Variants in CDH1 observed in about 807,000 individuals in gnomAD.
CDH1 encodes the protein cadherin 1, also known as cadherin-1.
CDH1 carries 35 observed loss-of-function variants against 84.5 expected under a neutral mutation model. The observed-to-expected ratio is 0.41, with a 90% CI of 0.32 to 0.55. The LOEUF is 0.55. Among genes scored for constraint, CDH1 ranks in the 20% least tolerant of loss-of-function variants. CDH1 has a pLI of 0.19. For missense variants in CDH1, 994 were observed against 1,126.6 expected, an observed-to-expected ratio of 0.88 and a Z score of 1.68; for synonymous variants, 417 against 439.0, an observed-to-expected ratio of 0.95 and a Z score of 0.63.
rs1597898197 is a variant in CDH1, at chr16:68,815,712, A to G, written c.1518A>G (p.Thr506=). 2 of 1,614,264 alleles carry G rather than the reference A, an allele frequency of 1.2e-6. No homozygotes were observed. The highest frequency in any genetic ancestry group is 1.7e-6 in the Non-Finnish European group (2 of 1,180,046). ...ACTTTGGCGTGGGCCAGGAAATCAC[A>G]TCCTACACTGCCCAGGAGCCAGACA... The part of the protein sequence containing the change: ...SEDFGVGQEI[T]SYTAQEPDTF... The change falls in exon 10 of 16, where the codon ACA becomes ACG. Residue 506 remains threonine, a synonymous_variant. Coordinates refer to ENST00000261769, the MANE Select transcript of CDH1 (RefSeq NM_004360.5).
chr16:68,801,937 G>T (rs770588696), intron 3 of CDH1, 44 bp downstream of exon 3: 9 of 1,484,402 alleles, frequency 6.1e-6, no homozygotes, highest in South Asian at 1.1e-5. Flanking sequence ...GTTTTAGTGC[G>T]CTGTCTAATC....
chr16:68,811,894 A>T lies in CDH1; in HGVS notation c.1008+35A>T, dbSNP rs377733982. On this transcript the variant is annotated intron_variant, in intron 7 of 15. Coordinates refer to ENST00000261769, the MANE Select transcript of CDH1 (RefSeq NM_004360.5). ...CAGGAGGATCCAGAGGGTGTGGAGG[A>T]CAAATGTGTATTAGCTCAATCCCGT... The T allele has an allele frequency of 7.1e-5, 115 of 1,609,916 alleles. No homozygotes were observed. In the African/African-American group the frequency reaches 1.5e-3, roughly 20 times the overall value.
At chr16:68,750,171 G>A (rs1016835662) in intron 2 of CDH1, among the ~76,000 whole-genome samples, 3 of 16,596 alleles carry the variant, frequency 1.8e-4, no homozygotes, top group Non-Finnish European at 6.6e-4. Flanking sequence ...GCCTTTGGAA[G>A]GCCTCTTTTG....
chr16:68,810,463 T>C (rs913222408), intron 6 of CDH1, 122 bp downstream of exon 6: 1 of 893,062 alleles, frequency 1.1e-6, no homozygotes, highest in Non-Finnish European at 1.8e-6. Flanking sequence ...ACAGAACTTC[T>C]TGGCAAGCCA....
intron 2 of CDH1, among the ~76,000 whole-genome samples, chr16:68,744,956 C>T (rs55882541): frequency 6.6e-6 from 1 of 152,292 alleles, no homozygotes; most frequent in Admixed American, 6.5e-5. Flanking sequence ...AAACAGTGCA[C>T]TGCAAACAGT....
At chr16:68,745,165 C>T (rs1050749997) in intron 2 of CDH1, among the ~76,000 whole-genome samples, 5 of 151,422 alleles carry the variant, frequency 3.3e-5, no homozygotes, top group Admixed American at 2.0e-4. Flanking sequence ...TTGAACTTGT[C>T]AGCTTCTGCT....
intron 3 of CDH1, among the ~76,000 whole-genome samples, chr16:68,805,979 G>C (rs909999124): frequency 6.6e-6 from 1 of 151,900 alleles, no homozygotes; most frequent in Non-Finnish European, 1.5e-5. Context: ...ACAGAGTCTC[G>C]CTCTGTTTCC....
intron 2 of CDH1, among the ~76,000 whole-genome samples, chr16:68,793,506 G>A (rs965464121): frequency 3.3e-5 from 5 of 152,226 alleles, no homozygotes; most frequent in African/African-American, 4.8e-5. Flanking sequence ...TGCCTGGTGA[G>A]TCCTGGCGGC....
At chr16:68,806,489 T>C (rs1960665697) in intron 3 of CDH1, among the ~76,000 whole-genome samples, 2 of 152,138 alleles carry the variant, frequency 1.3e-5, no homozygotes, top group Admixed American at 1.3e-4. Flanking sequence ...ATTTTGTTCA[T>C]GTGCTGGGGT....
chr16:68,745,718 GC>G (rs1962721369), intron 2 of CDH1, among the ~76,000 whole-genome samples: 1 of 151,184 alleles, frequency 6.6e-6, no homozygotes, highest in Non-Finnish European at 1.5e-5. Flanking sequence ...GATCCTTGTG[GC>G]TAAAAATCAA....
Position 68,811,243 on chromosome 16 carries a change from G to C in CDH1, c.833-441G>C, listed in dbSNP as rs574584956. 2.8e-3 allele frequency among the ~76,000 whole-genome samples: 429 copies of C among 151,680 alleles called. 2 individuals carry two copies. The highest frequency in any genetic ancestry group is 9.2e-3 in the African/African-American group (381 of 41,360). Reference sequence around the variant, plus strand: ...AGAAACCCTGTCTCTACTAAAAATAGAAAATTAGCTGGGCGTGGCGACGCA... The same window carrying C: ...AGAAACCCTGTCTCTACTAAAAATACAAAATTAGCTGGGCGTGGCGACGCA... On this transcript the variant is annotated intron_variant, in intron 6 of 15. Coordinates refer to ENST00000261769, the MANE Select transcript of CDH1 (RefSeq NM_004360.5).
chr16:68,771,957 T>C (rs1460538794), intron 2 of CDH1, among the ~76,000 whole-genome samples: 2 of 152,054 alleles, frequency 1.3e-5, no homozygotes, highest in African/African-American at 4.8e-5. Context: ...CCCATCCCCT[T>C]AGGAAATAGA....
intron 9 of CDH1, 183 bp downstream of exon 9, chr16:68,813,678 CTG>C: frequency 2.7e-6 from 2 of 750,724 alleles, no homozygotes; most frequent in Non-Finnish European, 4.8e-6. Context: ...AATCAAGAAA[CTG>C]TGCTGTGTGT....
Position 68,835,285 on chromosome 16 carries a change from CTGTTTCTCAAG to C in CDH1, c.*1792_*1802del. ...AAAGACTTTTGTTGAAATAGCTTTA[CTGTTTCTCAAG>C]TGTTTTGGAGAAAAAAATCAACCCT... On this transcript the variant is annotated 3_prime_UTR_variant, in exon 16 of 16. Coordinates refer to ENST00000261769, the MANE Select transcript of CDH1 (RefSeq NM_004360.5). 4.4e-6 allele frequency: 1 copy of C among 227,072 alleles called. No individual in the cohort carries two copies. Among genetic ancestry groups the C allele is most frequent in the Non-Finnish European group, 8.8e-6 (1 of 114,228 alleles). The allele number at this position is 227,072 out of a possible 1,614,324, so 14.1% of individuals were successfully genotyped here.
chr16:68,737,515 C>CCCCAGCCCCGT (rs1962430260), intron 1 of CDH1, 52 bp downstream of exon 1: 7 of 1,351,370 alleles, frequency 5.2e-6, no homozygotes, highest in Non-Finnish European at 3.0e-6. Context: ...GCAAGCTCCG[C>CCCCAGCCCCGT]GCCCCAGCCC....
chr16:68,821,286 A>T (rs546821177), intron 11 of CDH1, among the ~76,000 whole-genome samples: 4 of 152,166 alleles, frequency 2.6e-5, no homozygotes, highest in African/African-American at 9.6e-5. Flanking sequence ...CAGCCTGAGC[A>T]ACATGATAAG....
intron 2 of CDH1, among the ~76,000 whole-genome samples, chr16:68,740,898 G>A (rs1475036964): frequency 6.6e-6 from 1 of 152,000 alleles, no homozygotes; most frequent in Non-Finnish European, 1.5e-5. Flanking sequence ...TCCGCAGTTG[G>A]TCTTTTCTCT....
chr16:68,749,547 A>G (rs1962835601), intron 2 of CDH1, among the ~76,000 whole-genome samples: 1 of 152,188 alleles, frequency 6.6e-6, no homozygotes. Context: ...CAGATGAAAG[A>G]CAACTATTTG....
In CDH1 at chr16:68,810,264, T is replaced by C; in HGVS notation, c.755T>C (p.Val252Ala). ...VEDPMEILIT[V>A]TDQNDNKPEF... ...GATCCAATGGAGATTTTGATCACGGTAACCGATCAGAATGACAACAAGCCC... is the reference window on the plus strand; with the variant it reads ...GATCCAATGGAGATTTTGATCACGGCAACCGATCAGAATGACAACAAGCCC... Residue 252 changes from valine to alanine, a missense_variant, in exon 6 of 16, where the codon GTA becomes GCA. Val to Ala is a moderately conservative substitution (Grantham distance 64, BLOSUM62 0). This residue lies in a region of CDH1 where 769 missense variants were observed against 881.8 expected (regional missense o/e 0.87). Coordinates refer to ENST00000261769, the MANE Select transcript of CDH1 (RefSeq NM_004360.5). 2.5e-6 allele frequency: 4 copies of C among 1,613,850 alleles called. No homozygotes were observed. The highest frequency in any genetic ancestry group is 3.4e-6 in the Non-Finnish European group (4 of 1,179,722).
Sources: allele counts gnomAD v4.1 joint callset (sites outside exome capture counted in the v4.1 genomes callset), GRCh38; gene constraint gnomAD v4.1.1; regional missense constraint gnomAD v4.1.1; transcripts MANE v1.5; gene names NCBI Gene and HGNC (gene_info 2026-07-23, HGNC 2026-07-21).